The following KCNH1 variants were observed in gnomAD, a reference collection of about 807,000 sequenced individuals.
KCNH1 encodes the protein potassium voltage-gated channel subfamily H member 1, also known as voltage-gated delayed rectifier potassium channel KCNH1.
In KCNH1, 27 loss-of-function variants were observed where a neutral mutation model predicts 69.2. The observed-to-expected ratio is 0.39, with a 90% confidence interval of 0.29 to 0.54. The LOEUF (loss-of-function observed/expected upper bound fraction) is 0.54. KCNH1 is among the 20% of genes least tolerant of loss of function. The pLI is 0.68. For missense variants in KCNH1, 798 were observed against 1,261.6 expected, an observed-to-expected ratio of 0.63 and a Z score of 5.57; for synonymous variants, 456 against 487.7, an observed-to-expected ratio of 0.93 and a Z score of 0.86.
chr1:210,985,376 G>A (rs1360790656), intron 6 of KCNH1, among the ~76,000 whole-genome samples: 3 of 152,116 alleles, frequency 2.0e-5, no homozygotes, highest in Non-Finnish European at 4.4e-5. Flanking sequence ...TGTGATGTCA[G>A]GGTGTCAATT....
chr1:211,005,182 C>T (rs557032108), intron 6 of KCNH1, among the ~76,000 whole-genome samples: 13 of 152,082 alleles, frequency 8.5e-5, no homozygotes, highest in South Asian at 2.1e-4. Flanking sequence ...ACTTTAAGTA[C>T]AATAGAAATA....
At chr1:210,809,251 C>T (rs1243017947) in intron 7 of KCNH1, among the ~76,000 whole-genome samples, 1 of 152,146 alleles carries the variant, frequency 6.6e-6, no homozygotes, top group African/African-American at 2.4e-5. Context: ...CTGGAAGCTT[C>T]TGAACTGTGC....
chr1:211,125,507 T>C (rs555792576), intron 1 of KCNH1, among the ~76,000 whole-genome samples: 27 of 152,378 alleles, frequency 1.8e-4, no homozygotes, highest in African/African-American at 6.3e-4. Context: ...ATTAACTCCA[T>C]TTTCTTTACA....
At chr1:210,939,959 T>C (rs1687847785) in intron 6 of KCNH1, among the ~76,000 whole-genome samples, 1 of 152,188 alleles carries the variant, frequency 6.6e-6, no homozygotes, top group African/African-American at 2.4e-5. Context: ...TTACAAGGAT[T>C]TACTATGTTA....
chr1:210,862,524 G>C (rs1686001358), intron 7 of KCNH1, among the ~76,000 whole-genome samples: 1 of 152,126 alleles, frequency 6.6e-6, no homozygotes, highest in Non-Finnish European at 1.5e-5. Flanking sequence ...TGTAGAGATA[G>C]GGTCTCACTA....
intron 6 of KCNH1, among the ~76,000 whole-genome samples, chr1:210,994,210 A>T (rs1688982725): frequency 6.6e-6 from 1 of 152,226 alleles, no homozygotes; most frequent in Admixed American, 6.5e-5. Flanking sequence ...CATTATAATT[A>T]AAATAAAAAG....
intron 10 of KCNH1, among the ~76,000 whole-genome samples, chr1:210,684,553 C>A (rs1361681230): frequency 6.6e-6 from 1 of 152,142 alleles, no homozygotes; most frequent in Admixed American, 6.5e-5. Flanking sequence ...TTTTCTGGCC[C>A]CACTTCAGAC....
chr1:210,708,098 C>G (rs1681958925), intron 10 of KCNH1, among the ~76,000 whole-genome samples: 1 of 152,176 alleles, frequency 6.6e-6, no homozygotes, highest in Non-Finnish European at 1.5e-5. Context: ...TTCACTGTCT[C>G]ATTCTCCAAG....
In KCNH1 at chr1:210,994,542, G is replaced by T. The variant is rs61850220; in HGVS notation, c.1032+24241C>A. Among the ~76,000 whole-genome samples, 536 of 152,318 alleles carry T rather than the reference G, an allele frequency of 3.5e-3. 1 individual carries two copies. Among genetic ancestry groups the T allele is most frequent in the Non-Finnish European group, 6.4e-3 (435 of 68,034 alleles). On this transcript the variant is annotated intron_variant, in intron 6 of 10. Transcript: ENST00000271751. The stretch of plus-strand genomic sequence containing the variant: ...TGGTAGTCTGTGCAGGGTCTTAAAG[G>T]ATAGGCCCCCTTCTAAGTTCTTGCT...
At chr1:210,993,502 T>G (rs538551380) in intron 6 of KCNH1, among the ~76,000 whole-genome samples, 1 of 152,222 alleles carries the variant, frequency 6.6e-6, no homozygotes, top group Non-Finnish European at 1.5e-5. Flanking sequence ...TTGTCAATAC[T>G]CTCTTCCCTC....
At chr1:210,906,089 C>G (rs1234254123) in intron 7 of KCNH1, among the ~76,000 whole-genome samples, 1 of 152,170 alleles carries the variant, frequency 6.6e-6, no homozygotes, top group African/African-American at 2.4e-5. Context: ...GCCATCAGGT[C>G]TGAACTCCCA....
chr1:211,049,983 C>T (rs547390664), intron 5 of KCNH1, among the ~76,000 whole-genome samples: 21 of 152,178 alleles, frequency 1.4e-4, no homozygotes, highest in African/African-American at 4.8e-4. Flanking sequence ...AGAGTGCTCA[C>T]CACTTGCCAC....
chr1:211,017,422 A>C (rs1006225757), intron 6 of KCNH1, among the ~76,000 whole-genome samples: 1 of 152,150 alleles, frequency 6.6e-6, no homozygotes, highest in Non-Finnish European at 1.5e-5. Context: ...TTGAGCCTCA[A>C]CTTGGCTTCC....
chr1:211,031,050 A>C (rs1689774236), intron 5 of KCNH1, among the ~76,000 whole-genome samples: 1 of 152,084 alleles, frequency 6.6e-6, no homozygotes, highest in African/African-American at 2.4e-5. Context: ...ATTACTACAC[A>C]CCTATTAAAA....
chr1:210,901,995 GC>G (rs1687005858), intron 7 of KCNH1, among the ~76,000 whole-genome samples: 1 of 152,154 alleles, frequency 6.6e-6, no homozygotes, highest in Non-Finnish European at 1.5e-5. Context: ...CACAGGCAGT[GC>G]TAAAAGCTGG....
chr1:210,692,520 A>G (rs1038060188), intron 10 of KCNH1, among the ~76,000 whole-genome samples: 9 of 152,146 alleles, frequency 5.9e-5, no homozygotes, highest in African/African-American at 2.2e-4. Flanking sequence ...TATGACCCTC[A>G]AAAGACACAT....
intron 6 of KCNH1, among the ~76,000 whole-genome samples, chr1:210,950,006 G>A (rs1189700534): frequency 6.6e-6 from 1 of 152,162 alleles, no homozygotes; most frequent in African/African-American, 2.4e-5. Flanking sequence ...AGCCAGTGAG[G>A]AAAAGATTGC....
intron 5 of KCNH1, among the ~76,000 whole-genome samples, chr1:211,054,239 G>A (rs144527578): frequency 0.014 from 2,120 of 151,932 alleles, 29 homozygotes; most frequent in South Asian, 0.026. Flanking sequence ...CCAAGATGGC[G>A]TCCCTGCACT....
At chr1:210,910,843 A>T (rs1236350775) in intron 7 of KCNH1, among the ~76,000 whole-genome samples, 1 of 152,240 alleles carries the variant, frequency 6.6e-6, no homozygotes, top group Non-Finnish European at 1.5e-5. Context: ...TATCATTGTA[A>T]GTGATGCAAA....
Sources: gnomAD v4.1 joint callset for allele counts (sites outside exome capture counted in the v4.1 genomes callset) on GRCh38, gnomAD v4.1.1 for gene constraint, MANE v1.5 for transcripts, NCBI Gene and HGNC (gene_info 2026-07-23, HGNC 2026-07-21) for gene names.